The following DGKB variants were observed in gnomAD, a reference collection of about 807,000 sequenced individuals.
DGKB encodes 90 kDa diacylglycerol kinase.
A neutral mutation model predicts 114.3 loss-of-function variants in DGKB; 67 were observed. The observed-to-expected ratio is 0.59, with a 90% CI of 0.48 to 0.72. The LOEUF (loss-of-function observed/expected upper bound fraction) is 0.72. Among genes scored for constraint, DGKB ranks in the 30% least tolerant of loss-of-function variants. The pLI, the probability that DGKB is intolerant of heterozygous loss-of-function variation, is 0.00. For synonymous variants in DGKB, 398 were observed against 323.1 expected, an observed-to-expected ratio of 1.23 and a Z score of -2.49; for missense variants, 907 against 975.2, an observed-to-expected ratio of 0.93 and a Z score of 0.93.
At chr7:14,606,324 A>G (rs9638713) in intron 17 of DGKB, among the ~76,000 whole-genome samples, 146,128 of 152,070 alleles carry the variant, frequency 0.96, 70,250 homozygotes, top group East Asian at 1. Context: ...AATTCCTGTG[A>G]TGAGCCTGTC....
chr7:14,737,425 T>A (rs1831896585), intron 4 of DGKB, among the ~76,000 whole-genome samples: 1 of 151,992 alleles, frequency 6.6e-6, no homozygotes, highest in South Asian at 2.1e-4. Context: ...GAAAGTTTGT[T>A]TTTCCTATGT....
intron 2 of DGKB, among the ~76,000 whole-genome samples, chr7:14,840,793 T>A (rs1346658084): frequency 6.6e-6 from 1 of 151,604 alleles, no homozygotes; most frequent in Non-Finnish European, 1.5e-5. Flanking sequence ...GACCATACTG[T>A]CTCAAGCACA....
intron 1 of DGKB, among the ~76,000 whole-genome samples, chr7:14,860,578 T>C (rs984054722): frequency 1.3e-5 from 2 of 152,026 alleles, no homozygotes; most frequent in Admixed American, 6.6e-5. Context: ...TCACCTCTTA[T>C]AAATGAATAA....
intron 2 of DGKB, among the ~76,000 whole-genome samples, chr7:14,803,124 T>TA (rs1168093546): frequency 6.6e-6 from 1 of 152,038 alleles, no homozygotes; most frequent in Non-Finnish European, 1.5e-5. Context: ...TTACTTATTT[T>TA]AGAGACAGGA....
intron 2 of DGKB, among the ~76,000 whole-genome samples, chr7:14,839,410 T>C (rs554386281): frequency 0.022 from 3,226 of 147,044 alleles, 55 homozygotes; most frequent in South Asian, 0.043. Flanking sequence ...TCTTCTTCTT[T>C]TTTTTTTTTT....
intron 23 of DGKB, among the ~76,000 whole-genome samples, chr7:14,313,322 C>A (rs529650929): frequency 6.6e-6 from 1 of 152,066 alleles, no homozygotes; most frequent in Non-Finnish European, 1.5e-5. Flanking sequence ...GCCTGAGCGA[C>A]GCAGAAGACG....
intron 21 of DGKB, among the ~76,000 whole-genome samples, chr7:14,379,096 T>C (rs1428693545): frequency 2.6e-5 from 4 of 152,012 alleles, no homozygotes; most frequent in Non-Finnish European, 5.9e-5. Flanking sequence ...TGCAGACAAT[T>C]ATGTCACATA....
At chr7:14,527,809 G>A (rs927576598) in intron 20 of DGKB, among the ~76,000 whole-genome samples, 6 of 151,968 alleles carry the variant, frequency 3.9e-5, no homozygotes, top group Non-Finnish European at 8.8e-5. Flanking sequence ...GATTTCTAAA[G>A]CAGCAACTTT....
chr7:14,913,415 G>A (rs1271201232), intron 1 of DGKB, among the ~76,000 whole-genome samples: 1 of 150,416 alleles, frequency 6.6e-6, no homozygotes, highest in Non-Finnish European at 1.5e-5. Context: ...AACTTCTTGA[G>A]GTTATGTATC....
intron 23 of DGKB, among the ~76,000 whole-genome samples, chr7:14,292,826 G>A (rs1562858862): frequency 6.6e-6 from 1 of 152,134 alleles, no homozygotes; most frequent in South Asian, 2.1e-4. Flanking sequence ...CTTTGACAGT[G>A]GCTACTCTTT....
chr7:14,492,992 T>A (rs576933904), intron 20 of DGKB, among the ~76,000 whole-genome samples: 2 of 152,096 alleles, frequency 1.3e-5, no homozygotes, highest in Admixed American at 6.6e-5. Flanking sequence ...TACATCTACT[T>A]TGAATGCTTA....
At position 14,299,722 on chromosome 7, in the gene DGKB, G is replaced by A. The variant is rs1017551534; in HGVS notation, c.2122+38793C>T. ...GAGGTTTTGGAAGAAAGGGAAAGAA[G>A]CCACAGTGCATCAACTCATGAGGAA... is the stretch of plus-strand genomic sequence containing the variant. On this transcript the variant is annotated intron_variant, in intron 23 of 25. Transcript: ENST00000402815. Among the ~76,000 whole-genome samples the A allele has an allele frequency of 2.6e-5, 4 of 152,082 alleles. No individual in the cohort carries two copies. The East Asian group carries it at 5.8e-4, about 22-fold the overall frequency.
chr7:14,589,597 T>C (rs1801346126), intron 17 of DGKB, among the ~76,000 whole-genome samples: 1 of 151,992 alleles, frequency 6.6e-6, no homozygotes, highest in Non-Finnish European at 1.5e-5. Context: ...TCTACTCCTA[T>C]CATAAGAATT....
chr7:14,834,353 T>C (rs1179955645), intron 2 of DGKB, among the ~76,000 whole-genome samples: 1 of 152,170 alleles, frequency 6.6e-6, no homozygotes, highest in Non-Finnish European at 1.5e-5. Flanking sequence ...TTTACTCCTG[T>C]GATAATGGCC....
chr7:14,919,062 G>GCGCACACACACACA (rs1213217913), intron 1 of DGKB, among the ~76,000 whole-genome samples: 38 of 118,144 alleles, frequency 3.2e-4, no homozygotes, highest in Non-Finnish European at 4.9e-4. Flanking sequence ...TCCACCACAC[G>GCGCACACACACACA]CACACACACA....
chr7:14,465,871 C>A (rs1156369531), intron 21 of DGKB, among the ~76,000 whole-genome samples: 1 of 151,816 alleles, frequency 6.6e-6, no homozygotes, highest in African/African-American at 2.4e-5. Context: ...CACTTGCTCA[C>A]ATGTGATATA....
intron 19 of DGKB, among the ~76,000 whole-genome samples, chr7:14,575,131 A>T (rs2128711979): frequency 6.6e-6 from 1 of 152,292 alleles, no homozygotes; most frequent in East Asian, 1.9e-4. Flanking sequence ...TGTTTAAAAC[A>T]ATAAAATTAA....
intron 4 of DGKB, among the ~76,000 whole-genome samples, chr7:14,740,236 C>A (rs1338650999): frequency 1.2e-5 from 1 of 86,666 alleles, no homozygotes; most frequent in South Asian, 5.3e-4. Flanking sequence ...TACGCTTAAG[C>A]CTTTTTTTTT....
At chr7:14,540,038 T>G (rs1793165976) in intron 20 of DGKB, among the ~76,000 whole-genome samples, 1 of 152,072 alleles carries the variant, frequency 6.6e-6, no homozygotes, top group South Asian at 2.1e-4. Context: ...TATCACATCA[T>G]TTATTTAATA....
Sources: gnomAD v4.1 joint callset for allele counts (sites outside exome capture counted in the v4.1 genomes callset) on GRCh38, gnomAD v4.1.1 for gene constraint, MANE v1.5 for transcripts, NCBI Gene and HGNC (gene_info 2026-07-23, HGNC 2026-07-21) for gene names.